AUTS2: variants seen among roughly 807,000 people sequenced by gnomAD.
The protein encoded by AUTS2 is autism susceptibility gene 2 protein.
A neutral mutation model predicts 112.4 loss-of-function variants in AUTS2; 17 were observed. That is an observed-to-expected ratio of 0.15 (90% CI 0.10 to 0.23). AUTS2 has a LOEUF of 0.23. AUTS2 is among the 10% of genes least tolerant of loss of function. The pLI, the probability that AUTS2 is intolerant of heterozygous loss-of-function variation, is 1.00. For synonymous variants in AUTS2, 751 were observed against 702.7 expected (o/e 1.07, Z -1.09); for missense variants, 1,510 against 1,701.6 (o/e 0.89, Z 1.98).
chr7:70,756,768 C>T (rs1170930020), intron 6 of AUTS2, among the ~76,000 whole-genome samples: 1 of 152,128 alleles, frequency 6.6e-6, no homozygotes, highest in East Asian at 1.9e-4. Flanking sequence ...TAGCCATCAA[C>T]CCTTGCATAT....
intron 2 of AUTS2, among the ~76,000 whole-genome samples, chr7:70,022,166 G>C (rs922687397): frequency 2.7e-5 from 4 of 150,584 alleles, no homozygotes; most frequent in Non-Finnish European, 4.4e-5. Flanking sequence ...AGAGAAAGGA[G>C]AGAGTTGTTA....
chr7:70,017,825 AT>A (rs1800097831), intron 2 of AUTS2, among the ~76,000 whole-genome samples: 1 of 148,256 alleles, frequency 6.7e-6, no homozygotes, highest in African/African-American at 2.4e-5. Context: ...TTATAAATAT[AT>A]TTATATTTAT....
At chr7:70,485,883 G>A in intron 5 of AUTS2, among the ~76,000 whole-genome samples, 1 of 152,028 alleles carries the variant, frequency 6.6e-6, no homozygotes, top group Non-Finnish European at 1.5e-5. Flanking sequence ...CCAGGAAGGA[G>A]ACCTGAAGAG....
At chr7:69,778,230 A>ATG (rs1788977425) in intron 1 of AUTS2, among the ~76,000 whole-genome samples, 2 of 77,920 alleles carry the variant, frequency 2.6e-5, no homozygotes, top group Non-Finnish European at 5.2e-5. Context: ...TTATCCCCAT[A>ATG]TATATATATA....
intron 6 of AUTS2, among the ~76,000 whole-genome samples, chr7:70,745,210 T>C (rs1788379092): frequency 6.6e-6 from 1 of 152,154 alleles, no homozygotes; most frequent in Admixed American, 6.5e-5. Context: ...TGTTTCTGTC[T>C]CCCCAGCCCC....
intron 2 of AUTS2, among the ~76,000 whole-genome samples, chr7:69,950,161 A>C (rs940372616): frequency 1.3e-5 from 2 of 152,180 alleles, no homozygotes; most frequent in Non-Finnish European, 2.9e-5. Context: ...ACTGGACAAA[A>C]TAAAACTGTT....
chr7:69,666,176 G>A (rs1469758068), intron 1 of AUTS2, among the ~76,000 whole-genome samples: 2 of 151,916 alleles, frequency 1.3e-5, no homozygotes, highest in African/African-American at 4.8e-5. Flanking sequence ...ACACATATAC[G>A]TACACACAGT....
intron 4 of AUTS2, among the ~76,000 whole-genome samples, chr7:70,138,658 T>C (rs1220741275): frequency 6.6e-6 from 1 of 152,224 alleles, no homozygotes; most frequent in Non-Finnish European, 1.5e-5. Context: ...TGACATACTT[T>C]AAAGTTATCA....
At chr7:69,941,013 A>G (rs920912301) in intron 2 of AUTS2, among the ~76,000 whole-genome samples, 5 of 152,222 alleles carry the variant, frequency 3.3e-5, no homozygotes, top group African/African-American at 1.2e-4. Context: ...TGTGTCATCC[A>G]AATATGGATG....
chr7:69,679,366 A>G (rs1358797735), intron 1 of AUTS2, among the ~76,000 whole-genome samples: 1 of 152,238 alleles, frequency 6.6e-6, no homozygotes, highest in Non-Finnish European at 1.5e-5. Flanking sequence ...CCTTAGCTAC[A>G]TGCCTCAGTT....
At chr7:70,656,041 C>T (rs555761114) in intron 5 of AUTS2, among the ~76,000 whole-genome samples, 12 of 151,960 alleles carry the variant, frequency 7.9e-5, no homozygotes, top group Non-Finnish European at 1.6e-4. Flanking sequence ...TGTGTGTTAT[C>T]CACCCAGCCA....
intron 5 of AUTS2, among the ~76,000 whole-genome samples, chr7:70,499,391 A>G (rs1016341770): frequency 6.6e-6 from 1 of 152,208 alleles, no homozygotes; most frequent in Non-Finnish European, 1.5e-5. Context: ...AGACAGGCAA[A>G]GCCCCACCCA....
intron 4 of AUTS2, among the ~76,000 whole-genome samples, chr7:70,262,795 T>G (rs1015067834): frequency 2.0e-4 from 31 of 152,282 alleles, no homozygotes; most frequent in African/African-American, 7.2e-4. Flanking sequence ...AGGCTTCTCT[T>G]TAATAAGTGG....
At chr7:70,043,818 A>G (rs1410149281) in intron 2 of AUTS2, among the ~76,000 whole-genome samples, 1 of 152,116 alleles carries the variant, frequency 6.6e-6, no homozygotes, top group East Asian at 1.9e-4. Context: ...TATGTTGGTC[A>G]GGCTGCTCTC....
chr7:70,494,031 A>T (rs886065590), intron 5 of AUTS2, among the ~76,000 whole-genome samples: 1 of 152,230 alleles, frequency 6.6e-6, no homozygotes, highest in African/African-American at 2.4e-5. Flanking sequence ...CCCTGAGATT[A>T]AAATTTAAAA....
At chr7:69,606,710 A>T (rs1437514394) in intron 1 of AUTS2, among the ~76,000 whole-genome samples, 1 of 152,232 alleles carries the variant, frequency 6.6e-6, no homozygotes, top group African/African-American at 2.4e-5. Flanking sequence ...GGTAGATTTG[A>T]AAACTTAGAT....
chr7:69,606,073 A>G (rs1792698607), intron 1 of AUTS2, among the ~76,000 whole-genome samples: 1 of 152,154 alleles, frequency 6.6e-6, no homozygotes. Context: ...ATGTAAATGA[A>G]TCCGTGAATT....
intron 4 of AUTS2, among the ~76,000 whole-genome samples, chr7:70,190,485 G>T (rs772993292): frequency 3.3e-5 from 5 of 152,040 alleles, no homozygotes; most frequent in African/African-American, 1.2e-4. Context: ...CCTCACTGCC[G>T]CATTTTCGTT....
chr7:70,638,835 G>T (rs935466758), intron 5 of AUTS2, among the ~76,000 whole-genome samples: 1 of 152,098 alleles, frequency 6.6e-6, no homozygotes, highest in Admixed American at 6.5e-5. Flanking sequence ...CTTAAATCTC[G>T]GTCCATTGTA....
Sources: allele counts gnomAD v4.1 joint callset (sites outside exome capture counted in the v4.1 genomes callset), GRCh38; gene constraint gnomAD v4.1.1; transcripts MANE v1.5; gene names NCBI Gene and HGNC (gene_info 2026-07-23, HGNC 2026-07-21).